Variants in BRD4 observed in about 807,000 individuals in gnomAD.
BRD4 encodes the protein bromodomain-containing protein 4.
In BRD4, 16 loss-of-function variants were observed where a neutral mutation model predicts 142.1. The ratio of observed to expected loss-of-function variants is 0.11; its 90% confidence interval spans 0.08 to 0.17. The LOEUF (loss-of-function observed/expected upper bound fraction) is 0.17, where lower values mean the gene tolerates loss of function less well. Ranked by LOEUF, BRD4 falls within the 10% of genes least tolerant of loss-of-function variation. BRD4 has a pLI of 1.00. For missense variants in BRD4, 1,424 were observed against 1,810.9 expected (o/e 0.79, Z 3.88); for synonymous variants, 833 against 707.5 (o/e 1.18, Z -2.82).
intron 11 of BRD4, chr19:15,253,615 G>C (rs1410231665): frequency 1.1e-5 from 18 of 1,595,186 alleles, no homozygotes; most frequent in Non-Finnish European, 1.4e-5. Flanking sequence ...AATGGCTGGG[G>C]CCCAGGTGAT....
intron 7 of BRD4, among the ~76,000 whole-genome samples, chr19:15,258,927 G>A (rs2047440322): frequency 1.3e-5 from 2 of 152,192 alleles, no homozygotes; most frequent in African/African-American, 4.8e-5. Flanking sequence ...TCCTTGAGCA[G>A]GTCTGAGACA....
chr19:15,289,599 T>A (rs1200143572), intron 1 of BRD4, among the ~76,000 whole-genome samples: 1 of 151,748 alleles, frequency 6.6e-6, no homozygotes, highest in Non-Finnish European at 1.5e-5. Context: ...TAGATGGGTA[T>A]TACTTCCCAC....
At chr19:15,329,450 A>C (rs1004468014) in intron 1 of BRD4, among the ~76,000 whole-genome samples, 3 of 152,164 alleles carry the variant, frequency 2.0e-5, no homozygotes, top group Non-Finnish European at 4.4e-5. Flanking sequence ...TTGCTTTAAA[A>C]ACAAAACAGG....
chr19:15,310,785 G>A (rs1297604924), intron 1 of BRD4, among the ~76,000 whole-genome samples: 3 of 150,734 alleles, frequency 2.0e-5, no homozygotes, highest in Non-Finnish European at 3.0e-5. Flanking sequence ...ATGAGCCACC[G>A]TGCCTGGCCT....
chr19:15,251,681 C>T (rs2047348937), intron 11 of BRD4, among the ~76,000 whole-genome samples: 2 of 152,170 alleles, frequency 1.3e-5, no homozygotes, highest in Admixed American at 1.3e-4. Context: ...CAGCAGAAGG[C>T]TGTATTTACT....
intron 1 of BRD4, among the ~76,000 whole-genome samples, chr19:15,322,252 G>C (rs767328996): frequency 6.6e-6 from 1 of 151,996 alleles, no homozygotes; most frequent in Non-Finnish European, 1.5e-5. Context: ...TTTGTTTCAT[G>C]ACCCATGGTT....
chr19:15,258,552 G>A (rs566020187), intron 7 of BRD4, among the ~76,000 whole-genome samples: 1 of 152,150 alleles, frequency 6.6e-6, no homozygotes, highest in East Asian at 1.9e-4. Context: ...CCAAAGGGTT[G>A]GGATGACCAG....
intron 1 of BRD4, among the ~76,000 whole-genome samples, chr19:15,290,970 A>AT (rs925967560): frequency 7.2e-5 from 11 of 151,990 alleles, no homozygotes; most frequent in African/African-American, 1.2e-4. Context: ...CGCATATGGT[A>AT]TTTTTTTTAC....
At position 15,243,417 on chromosome 19, in the gene BRD4, G is replaced by A. The variant is rs151059516; in HGVS notation, c.2652C>T (p.Pro884=). The A allele has an allele frequency of 2.2e-5, 35 of 1,570,774 alleles. No individual in the cohort carries two copies. The highest frequency in any genetic ancestry group is 1.5e-4 in the African/African-American group (11 of 73,510). The change falls in exon 14 of 20, where the codon CCC becomes CCT. Residue 884 remains proline, a synonymous_variant. Coordinates refer to ENST00000679869, the MANE Select transcript of BRD4 (RefSeq NM_001379291.1). ...SNRAAALPPK[P]ARPPAVSPAL... The stretch of plus-strand genomic sequence containing the variant: ...CTGGTGACACGGCTGGGGGCCGGGC[G>A]GGCTTGGGAGGCAGGGCAGCGGCTC...
At chr19:15,260,541 A>G (rs1394495247) in intron 7 of BRD4, among the ~76,000 whole-genome samples, 1 of 152,190 alleles carries the variant, frequency 6.6e-6, no homozygotes, top group Non-Finnish European at 1.5e-5. Flanking sequence ...TCTACCAAGC[A>G]CTGGCAGAGA....
At chr19:15,276,876 C>G (rs945908251) in intron 1 of BRD4, among the ~76,000 whole-genome samples, 1 of 152,174 alleles carries the variant, frequency 6.6e-6, no homozygotes, top group African/African-American at 2.4e-5. Context: ...AAGGGCAGGG[C>G]TGCTCTGGCC....
chr19:15,249,034 G>C, intron 11 of BRD4: 1 of 584,624 alleles, frequency 1.7e-6, no homozygotes, highest in Non-Finnish European at 3.0e-6. Context: ...GGGCAGGACA[G>C]CCAGGCAGTC....
chr19:15,287,237 A>C (rs1391760991), intron 1 of BRD4, among the ~76,000 whole-genome samples: 4 of 150,910 alleles, frequency 2.7e-5, no homozygotes, highest in African/African-American at 7.4e-5. Flanking sequence ...CAGTGCCTTT[A>C]TTCTTTTTTT....
chr19:15,251,573 G>T (rs1398570470), intron 11 of BRD4, among the ~76,000 whole-genome samples: 1 of 151,846 alleles, frequency 6.6e-6, no homozygotes, highest in African/African-American at 2.4e-5. Flanking sequence ...TGGACATCAG[G>T]GCTGCCGGGA....
intron 1 of BRD4, among the ~76,000 whole-genome samples, chr19:15,276,263 A>G (rs928031532): frequency 6.6e-6 from 1 of 152,206 alleles, no homozygotes; most frequent in African/African-American, 2.4e-5. Flanking sequence ...CAAGAAAGAG[A>G]GGTACAGTGA....
chr19:15,279,034 T>C (rs1396122185), intron 1 of BRD4, among the ~76,000 whole-genome samples: 2 of 152,134 alleles, frequency 1.3e-5, no homozygotes, highest in Non-Finnish European at 2.9e-5. Flanking sequence ...AGAGATGGGG[T>C]TTCTCCATGT....
At chr19:15,326,015 A>AG (rs1363539784) in intron 1 of BRD4, among the ~76,000 whole-genome samples, 127 of 149,668 alleles carry the variant, frequency 8.5e-4, no homozygotes, top group Middle Eastern at 3.4e-3. Flanking sequence ...AAAAAAAAAA[A>AG]AAAGAAAGAA....
Position 15,239,502 on chromosome 19 carries a change from C to T in BRD4, c.3466G>A (p.Asp1156Asn). 1 of 1,613,488 alleles carries T rather than the reference C, an allele frequency of 6.2e-7. No homozygotes were observed. The highest frequency in any genetic ancestry group is 8.5e-7 in the Non-Finnish European group (1 of 1,179,776). Reference protein sequence around the residue: ...LPQRPEMKPVDVGRPVIRPPE... With the variant: ...LPQRPEMKPVNVGRPVIRPPE... ...GGCCGGATCACAGGCCTCCCGACAT[C>T]CACAGGCTTCATTTCCGGCCCTGGA... The change falls in exon 17 of 20, where the codon GAT becomes AAT. Residue 1156 changes from aspartate (D) to asparagine (N), a missense_variant. Asp to Asn is a conservative substitution (Grantham distance 23). This residue lies in a region of BRD4 where 598 missense variants were observed against 647.8 expected (regional missense o/e 0.92). Transcript: ENST00000679869. The surrounding 1 kb of genome is among the most constrained non-coding windows in gnomAD (Gnocchi z 7.4).
intron 1 of BRD4, 82 bp from the exon 2 acceptor site, chr19:15,273,215 G>A: frequency 7.1e-7 from 1 of 1,401,688 alleles, no homozygotes; most frequent in Non-Finnish European, 9.5e-7. Context: ...TCTGGCTGTG[G>A]TCTCCAAGGA....
Sources: allele counts gnomAD v4.1 joint callset (sites outside exome capture counted in the v4.1 genomes callset), GRCh38; gene constraint gnomAD v4.1.1; regional missense constraint gnomAD v4.1.1; non-coding constraint Gnocchi (gnomAD v3.1); transcripts MANE v1.5; gene names NCBI Gene and HGNC (gene_info 2026-07-23, HGNC 2026-07-21).